Variants in DYNC2H1 observed in about 807,000 individuals in gnomAD.
DYNC2H1 encodes cytoplasmic dynein 2 heavy chain 1.
A neutral mutation model predicts 570.0 loss-of-function variants in DYNC2H1; 410 were observed. The observed-to-expected ratio is 0.72, with a 90% CI of 0.66 to 0.78. The LOEUF (loss-of-function observed/expected upper bound fraction) is 0.78. Ranked by LOEUF, DYNC2H1 falls within the 30% of genes least tolerant of loss-of-function variation. The pLI, the probability that DYNC2H1 is intolerant of heterozygous loss-of-function variation, is 0.00. For missense variants in DYNC2H1, 4,865 were observed against 5,046.4 expected (o/e 0.96, Z 1.09); for synonymous variants, 1,688 against 1,677.6 (o/e 1.01, Z -0.15).
Position 103,436,003 on chromosome 11 carries a change from G to C in DYNC2H1, c.12427G>C (p.Gly4143Arg). 6.2e-7 allele frequency: 1 copy of C among 1,612,530 alleles called. No individual in the cohort carries two copies. Among genetic ancestry groups the C allele is most frequent in the Non-Finnish European group, 8.5e-7 (1 of 1,179,036 alleles). ...GPEDPLQYLRGLVARALAIQN... is the reference protein window; with the variant it reads ...GPEDPLQYLRRLVARALAIQN... ...AGAAGATCCCTTACAATACCTGAGA[G>C]GTCTTGTTGCCCGTGCCCTTGCAAT... The change falls in exon 85 of 89, where the codon GGT becomes CGT. Residue 4143 changes from glycine (G) to arginine (R), a missense_variant. Physicochemically the swap from Gly to Arg is moderately radical, Grantham distance 125. Around this residue, in one of 5 missense-constraint regions of DYNC2H1, gnomAD observed 2,401 missense variants for 2,454.6 expected, o/e 0.98. Coordinates refer to ENST00000375735, the MANE Select transcript of DYNC2H1 (RefSeq NM_001377.3).
chr11:103,137,608 C>T (rs1177376179), intron 17 of DYNC2H1, among the ~76,000 whole-genome samples: 3 of 152,026 alleles, frequency 2.0e-5, no homozygotes, highest in African/African-American at 4.8e-5. Flanking sequence ...GTACCAGTAC[C>T]ATGTTGTTTT....
chr11:103,226,954 G>C (rs780161316), intron 59 of DYNC2H1, among the ~76,000 whole-genome samples: 1 of 151,972 alleles, frequency 6.6e-6, no homozygotes, highest in African/African-American at 2.4e-5. Context: ...CATCTCCTCT[G>C]GGTTTTCTAG....
At chr11:103,242,909 CG>C (rs1328514696) in intron 63 of DYNC2H1, among the ~76,000 whole-genome samples, 1 of 151,962 alleles carries the variant, frequency 6.6e-6, no homozygotes, top group Admixed American at 6.6e-5. Flanking sequence ...TTGGTAGAGA[CG>C]GGGTTTCACC....
In DYNC2H1 at chr11:103,173,204, T is replaced by C. The variant is rs768101549; in HGVS notation, c.5457T>C (p.His1819=). ...TTTTCAGGCCCGTAGCTATGTCTCATCCAGACAATGAGCTTATTGCAGAAG... is the reference window on the plus strand; with the variant it reads ...TTTTCAGGCCCGTAGCTATGTCTCACCCAGACAATGAGCTTATTGCAGAAG... ...KQLFRPVAMS[H]PDNELIAEVI... Residue 1819 remains histidine, a synonymous_variant, in exon 35 of 89, where the codon CAT becomes CAC. Coordinates refer to ENST00000375735, the MANE Select transcript of DYNC2H1 (RefSeq NM_001377.3). 6.2e-7 allele frequency: 1 copy of C among 1,602,948 alleles called. No individual in the cohort carries two copies. The highest frequency in any genetic ancestry group is 1.1e-5 in the South Asian group (1 of 89,556).
chr11:103,196,590 C>CA (rs35063368), intron 47 of DYNC2H1, among the ~76,000 whole-genome samples: 1 of 151,674 alleles, frequency 6.6e-6, no homozygotes, highest in Non-Finnish European at 1.5e-5. Context: ...ATTTAACTGA[C>CA]AAAAAAAGAT....
Position 103,394,669 on chromosome 11 carries a change from A to C in DYNC2H1, c.12157-4994A>C, listed in dbSNP as rs937841099. 1.6e-4 allele frequency among the ~76,000 whole-genome samples: 24 copies of C among 152,088 alleles called. 1 individual carries two copies. Among genetic ancestry groups the C allele is most frequent in the Non-Finnish European group, 2.5e-4 (17 of 68,022 alleles). ...GATAGCCATCTGCCTTACTGTACCA[A>C]AAGCCAATTATTAGTGGACAAACAG... is the stretch of plus-strand genomic sequence containing the variant. On this transcript the variant is annotated intron_variant, in intron 83 of 88. Coordinates refer to ENST00000375735, the MANE Select transcript of DYNC2H1 (RefSeq NM_001377.3).
In DYNC2H1 at chr11:103,113,520, A is replaced by G. The variant is rs192894486; in HGVS notation, c.196-17A>G. 7.4e-6 allele frequency: 11 copies of G among 1,489,100 alleles called. No homozygotes were observed. The African/African-American group carries it at 1.2e-4, about 16-fold the overall frequency. 92.2% of individuals were successfully genotyped at this position (1,489,100 alleles called of 1,614,324 possible). On this transcript the variant is annotated splice_polypyrimidine_tract_variant and intron_variant, in intron 1 of 88. Coordinates refer to ENST00000375735, the MANE Select transcript of DYNC2H1 (RefSeq NM_001377.3). Reference sequence around the variant, plus strand: ...AAATTTTATGAAGATAACATTAAAAATCATTTATCACTTTAGATTGAGTTT... The same window carrying G: ...AAATTTTATGAAGATAACATTAAAAGTCATTTATCACTTTAGATTGAGTTT...
At position 103,316,551 on chromosome 11, in the gene DYNC2H1, A is replaced by G; in HGVS notation, c.11656A>G (p.Thr3886Ala). The G allele has an allele frequency of 6.4e-7, 1 of 1,551,466 alleles. No individual in the cohort carries two copies. The highest frequency in any genetic ancestry group is 1.2e-5 in the South Asian group (1 of 80,262). Residue 3886 changes from threonine (T) to alanine (A), a missense_variant, in exon 80 of 89, where the codon ACA becomes GCA. Thr to Ala is a moderately conservative substitution (Grantham distance 58). This residue lies in a region of DYNC2H1 where 2,401 missense variants were observed against 2,454.6 expected (regional missense o/e 0.98). Transcript: ENST00000375735. ...ERRNYIPQGWTKFYEFSLSDL... is the reference protein window; with the variant it reads ...ERRNYIPQGWAKFYEFSLSDL... ...AAAAATTGTTTTTTGACAGGGTTGG[A>G]CAAAGTTTTATGAATTTTCTTTATC...
intron 34 of DYNC2H1, 68 bp downstream of exon 34, chr11:103,171,136 G>T (rs959939256): frequency 1.6e-6 from 2 of 1,257,164 alleles, no homozygotes; most frequent in African/African-American, 3.0e-5. Context: ...TCATACTTAA[G>T]CAATATTCTC....
Position 103,163,187 on chromosome 11 carries a change from C to A in DYNC2H1, c.4611+40C>A, listed in dbSNP as rs11820913. ...GTGTAGAAGCTACATAGGCATGGAA[C>A]GTGGAAAGATCCCTGACCTAGAAGC... On this transcript the variant is annotated intron_variant, in intron 30 of 88. Coordinates refer to ENST00000375735, the MANE Select transcript of DYNC2H1 (RefSeq NM_001377.3). The surrounding 1 kb of genome is among the most constrained non-coding windows in gnomAD (Gnocchi z 4.6). The A allele has an allele frequency of 4.9e-5, 76 of 1,552,724 alleles. 1 individual carries two copies. The East Asian group carries it at 1.7e-3, about 36-fold the overall frequency.
At position 103,243,835 on chromosome 11, in the gene DYNC2H1, T is replaced by G; in HGVS notation, c.9918+44T>G. The G allele has an allele frequency of 7.0e-7, 1 of 1,429,358 alleles. No individual in the cohort carries two copies. Among genetic ancestry groups the G allele is most frequent in the Non-Finnish European group, 9.6e-7 (1 of 1,045,254 alleles). The allele number at this position is 1,429,358 out of a possible 1,614,324, so 88.5% of individuals were successfully genotyped here. A position where few individuals can be genotyped will look rare whatever the true frequency, so the allele number is the denominator to read the frequency against. ...TTACATACCAATTAGGAATGACCTC[T>G]TATAGTGAAAAGATCTTGGAGTCTA... On this transcript the variant is annotated intron_variant, in intron 64 of 88. Coordinates refer to ENST00000375735, the MANE Select transcript of DYNC2H1 (RefSeq NM_001377.3). The surrounding 1 kb of genome is among the most constrained non-coding windows in gnomAD (Gnocchi z 4.8).
chr11:103,259,697 AC>A lies in DYNC2H1; in HGVS notation c.10606-190del, dbSNP rs370686468. 2.6e-5 allele frequency among the ~76,000 whole-genome samples: 4 copies of A among 152,274 alleles called. No individual in the cohort carries two copies. In the South Asian group the frequency reaches 8.3e-4, roughly 32 times the overall value. On this transcript the variant is annotated intron_variant, in intron 69 of 88. Transcript: ENST00000375735. Reference sequence around the variant, plus strand: ...CATTTCTTGAAAGCTTTAACTCTATACATTAAAGAAAGATGCGTCATTTTTT... The same window carrying A: ...CATTTCTTGAAAGCTTTAACTCTATAATTAAAGAAAGATGCGTCATTTTTT...
chr11:103,266,889 G>A (rs1477516646), intron 70 of DYNC2H1, among the ~76,000 whole-genome samples: 1 of 152,188 alleles, frequency 6.6e-6, no homozygotes, highest in African/African-American at 2.4e-5. Flanking sequence ...GGGCAAGACT[G>A]CCCTGCAGAG....
intron 84 of DYNC2H1, among the ~76,000 whole-genome samples, chr11:103,435,275 A>G (rs966365431): frequency 7.2e-5 from 11 of 152,048 alleles, no homozygotes; most frequent in African/African-American, 2.4e-4. Flanking sequence ...CCTTATTACC[A>G]CACTTCAGAA....
Position 103,112,890 on chromosome 11 carries a change from T to G in DYNC2H1, c.196-647T>G, listed in dbSNP as rs11826922. 7.2e-3 allele frequency among the ~76,000 whole-genome samples: 1,097 copies of G among 152,320 alleles called. 9 individuals carry two copies. The highest frequency in any genetic ancestry group is 0.025 in the African/African-American group (1,036 of 41,574). On this transcript the variant is annotated intron_variant, in intron 1 of 88. Coordinates refer to ENST00000375735, the MANE Select transcript of DYNC2H1 (RefSeq NM_001377.3). ...TGAACTGACCTATTTTAAACAAGAT[T>G]GCTGTAGTGAATTCCAATTGAGTTC...
In DYNC2H1 at chr11:103,316,178, AT is replaced by A. The variant is rs200515868; in HGVS notation, c.11650-358del. ...GCTTTTGGGCCTTTTTTTGTGCAGT[AT>A]TTTTTTTTGTATGTTTGTGGAGAAA... On this transcript the variant is annotated intron_variant, in intron 79 of 88. Coordinates refer to ENST00000375735, the MANE Select transcript of DYNC2H1 (RefSeq NM_001377.3). Among the ~76,000 whole-genome samples, 599 of 150,782 alleles carry A rather than the reference AT, an allele frequency of 4.0e-3. 1 individual carries two copies. The highest frequency in any genetic ancestry group is 8.4e-3 in the Admixed American group (127 of 15,104).
In DYNC2H1 at chr11:103,323,160, A is replaced by C. The variant is rs187155877; in HGVS notation, c.11935-726A>C. ...ACTTGCCTTAAAATAACTTCTCTTC[A>C]TGAAAACAAAACAGTTTCCATGTTT... On this transcript the variant is annotated intron_variant, in intron 81 of 88. Transcript: ENST00000375735. 2.0e-5 allele frequency among the ~76,000 whole-genome samples: 3 copies of C among 152,340 alleles called. No homozygotes were observed. In the East Asian group the frequency reaches 5.8e-4, roughly 29 times the overall value.
Position 103,184,900 on chromosome 11 carries a change from A to T in DYNC2H1, c.6482A>T (p.Asp2161Val), listed in dbSNP as rs1258290356. Reference sequence around the variant, plus strand: ...ATCACGGATTTTAATCAACAGAATGACTATGTGGTAGAAACAAGTTTGGTT... The same window carrying T: ...ATCACGGATTTTAATCAACAGAATGTCTATGTGGTAGAAACAAGTTTGGTT... ...KALQWVLKQN[D>V]YVVETSLVGT... Residue 2161 changes from aspartate (D) to valine (V), a missense_variant, in exon 41 of 89, where the codon GAC (aspartate) becomes GTC (valine). Coordinates refer to ENST00000375735, the MANE Select transcript of DYNC2H1 (RefSeq NM_001377.3). The T allele has an allele frequency of 6.2e-7, 1 of 1,610,030 alleles. No homozygotes were observed. Among genetic ancestry groups the T allele is most frequent in the African/African-American group, 1.3e-5 (1 of 74,724 alleles).
rs1565308889 is a variant in DYNC2H1, at chr11:103,114,258, T to A, written c.502+20T>A. ...CACGAGGTATATAACCATAGCTTAA[T>A]AAAAGAGAGTACAAAATGATTGTCT... On this transcript the variant is annotated intron_variant, in intron 3 of 88. Transcript: ENST00000375735. 1.9e-6 allele frequency: 3 copies of A among 1,540,992 alleles called. No homozygotes were observed. The highest frequency in any genetic ancestry group is 1.4e-5 in the African/African-American group (1 of 72,734).
Sources: gnomAD v4.1 joint callset for allele counts (sites outside exome capture counted in the v4.1 genomes callset) on GRCh38, gnomAD v4.1.1 for gene constraint, gnomAD v4.1.1 regional missense constraint, Gnocchi (gnomAD v3.1) non-coding constraint, MANE v1.5 for transcripts, NCBI Gene and HGNC (gene_info 2026-07-23, HGNC 2026-07-21) for gene names.